HHAT: variants seen among roughly 807,000 people sequenced by gnomAD.
HHAT encodes protein-cysteine N-palmitoyltransferase HHAT.
HHAT carries 47 observed loss-of-function variants against 70.8 expected under a neutral mutation model. That is an observed-to-expected ratio of 0.66 (90% CI 0.53 to 0.85). HHAT has a LOEUF of 0.85. Among genes scored for constraint, HHAT ranks in the 40% least tolerant of loss-of-function variants. The pLI is 0.00. For missense variants in HHAT, 609 were observed against 604.8 expected, an observed-to-expected ratio of 1.01 and a Z score of -0.07; for synonymous variants, 228 against 247.6, an observed-to-expected ratio of 0.92 and a Z score of 0.74.
At chr1:210,482,637 G>A (rs899095634) in intron 8 of HHAT, among the ~76,000 whole-genome samples, 9 of 152,190 alleles carry the variant, frequency 5.9e-5, no homozygotes, top group Non-Finnish European at 1.3e-4. Flanking sequence ...TTGCCTGCAT[G>A]AAGATATTTG....
At position 210,592,117 on chromosome 1, in the gene HHAT, C is replaced by T. The variant is rs1558231533; in HGVS notation, c.1245+4018C>T. 3.9e-5 allele frequency among the ~76,000 whole-genome samples: 6 copies of T among 152,188 alleles called. No homozygotes were observed. In the South Asian group the frequency reaches 1.0e-3, roughly 26 times the overall value. On this transcript the variant is annotated intron_variant, in intron 10 of 11. Transcript: ENST00000261458. Reference sequence around the variant, plus strand: ...AAGAATTATTTGCTAACTCCAGTGTCCTGGCAAGTTTCTCCAGTGTTTTCT... The same window carrying T: ...AAGAATTATTTGCTAACTCCAGTGTTCTGGCAAGTTTCTCCAGTGTTTTCT...
chr1:210,388,529 ACTT>A (rs1267549804), intron 4 of HHAT, among the ~76,000 whole-genome samples: 2 of 151,868 alleles, frequency 1.3e-5, no homozygotes, highest in Admixed American at 6.6e-5. Context: ...CAGCATATTA[ACTT>A]CTTCTTGAAT....
intron 10 of HHAT, among the ~76,000 whole-genome samples, chr1:210,600,835 C>T (rs1055762919): frequency 3.3e-5 from 5 of 152,016 alleles, no homozygotes; most frequent in African/African-American, 1.2e-4. Flanking sequence ...GTCGATTATT[C>T]CTACCCAAAG....
chr1:210,588,134 G>C (rs897015965), intron 10 of HHAT, 35 bp downstream of exon 10: 7 of 1,518,544 alleles, frequency 4.6e-6, no homozygotes, highest in Non-Finnish European at 6.3e-6. Context: ...TTAGGGGACA[G>C]TGGAACTAGG....
rs191285537 is a variant in HHAT, at chr1:210,593,129, G to A, written c.1245+5030G>A. Among the ~76,000 whole-genome samples the A allele has an allele frequency of 7.2e-3, 1,096 of 152,036 alleles. 15 individuals carry two copies. The highest frequency in any genetic ancestry group is 0.024 in the African/African-American group (985 of 41,508). Reference sequence around the variant, plus strand: ...CCACCTATAAGTGAGAACATGCGGTGTTTGGAAAAAACCAACTTTTCATTT... The same window carrying A: ...CCACCTATAAGTGAGAACATGCGGTATTTGGAAAAAACCAACTTTTCATTT... On this transcript the variant is annotated intron_variant, in intron 10 of 11. Transcript: ENST00000261458.
Position 210,341,733 on chromosome 1 carries a change from G to A in HHAT, c.-43-7200G>A, listed in dbSNP as rs187889515. 4.6e-3 allele frequency among the ~76,000 whole-genome samples: 705 copies of A among 152,304 alleles called. 5 individuals carry two copies. The highest frequency in any genetic ancestry group is 6.8e-3 in the Non-Finnish European group (460 of 68,026). ...GTATAGAAAAAGTTCTGTGAGCTGA[G>A]AGATTCTTGCCATTTTACAGCTAAG... On this transcript the variant is annotated intron_variant, in intron 1 of 11. Transcript: ENST00000261458.
Position 210,615,037 on chromosome 1 carries a change from T to A in HHAT, c.1246-8489T>A, listed in dbSNP as rs1038283081. ...GTTTAGAGTCCCACCAACAGTGTAA[T>A]AGTGTTCCTATTTCTCCACATCCTG... On this transcript the variant is annotated intron_variant, in intron 10 of 11. Coordinates refer to ENST00000261458, the MANE Select transcript of HHAT (RefSeq NM_018194.6). 2.5e-4 allele frequency among the ~76,000 whole-genome samples: 38 copies of A among 152,308 alleles called. 1 individual carries two copies. Among genetic ancestry groups the A allele is most frequent in the African/African-American group, 6.5e-4 (27 of 41,568 alleles).
In HHAT at chr1:210,481,802, A is replaced by G. The variant is rs143267748; in HGVS notation, c.1007+17147A>G. 1.2e-4 allele frequency among the ~76,000 whole-genome samples: 18 copies of G among 152,364 alleles called. No individual in the cohort carries two copies. The East Asian group carries it at 1.5e-3, about 13-fold the overall frequency. On this transcript the variant is annotated intron_variant, in intron 8 of 11. Coordinates refer to ENST00000261458, the MANE Select transcript of HHAT (RefSeq NM_018194.6). ...TGTGAATAATGAGGATTGAGTGTCA[A>G]TGAATGATCAGCATAGGCTTCATTG...
intron 9 of HHAT, among the ~76,000 whole-genome samples, chr1:210,519,635 C>T (rs933822544): frequency 4.6e-5 from 7 of 150,984 alleles, no homozygotes; most frequent in Admixed American, 6.6e-5. Flanking sequence ...TCAAGCAATC[C>T]GCCTACCTTA....
intron 11 of HHAT, among the ~76,000 whole-genome samples, chr1:210,644,126 T>C (rs960020806): frequency 3.0e-4 from 46 of 152,184 alleles, no homozygotes; most frequent in African/African-American, 1.1e-3. Flanking sequence ...CCCTCCCATT[T>C]TGGAAAAGAC....
chr1:210,640,156 G>C (rs975516878), intron 11 of HHAT, among the ~76,000 whole-genome samples: 3 of 152,198 alleles, frequency 2.0e-5, no homozygotes, highest in Admixed American at 6.5e-5. Context: ...CTCCGACTGA[G>C]TTAGTGGGTA....
intron 8 of HHAT, among the ~76,000 whole-genome samples, chr1:210,491,819 G>T (rs2094556703): frequency 6.6e-6 from 1 of 152,116 alleles, no homozygotes; most frequent in South Asian, 2.1e-4. Context: ...GTGGAGTGCA[G>T]TGGCCCGATC....
chr1:210,433,925 A>G lies in HHAT; in HGVS notation c.856+15600A>G, dbSNP rs992084944. On this transcript the variant is annotated intron_variant, in intron 7 of 11. Coordinates refer to ENST00000261458, the MANE Select transcript of HHAT (RefSeq NM_018194.6). ...CCACACCAGCGTTGTACCAGTCTACATGGGGTTACCTCTGCCCCCACTGTG... is the reference window on the plus strand; with the variant it reads ...CCACACCAGCGTTGTACCAGTCTACGTGGGGTTACCTCTGCCCCCACTGTG... 1.2e-4 allele frequency among the ~76,000 whole-genome samples: 19 copies of G among 152,068 alleles called. 2 individuals carry two copies. The highest frequency in any genetic ancestry group is 1.2e-3 in the Admixed American group (18 of 15,286).
chr1:210,586,868 C>T (rs1286282178), intron 9 of HHAT, among the ~76,000 whole-genome samples: 1 of 152,202 alleles, frequency 6.6e-6, no homozygotes, highest in Non-Finnish European at 1.5e-5. Context: ...GAACATAGTA[C>T]TGTCTCTACG....
chr1:210,421,008 TTC>T (rs1300386112), intron 7 of HHAT, among the ~76,000 whole-genome samples: 1 of 152,210 alleles, frequency 6.6e-6, no homozygotes, highest in East Asian at 1.9e-4. Context: ...ATTTATGCTC[TTC>T]TCGGCAGTGT....
At chr1:210,565,653 G>A (rs1324594736) in intron 9 of HHAT, among the ~76,000 whole-genome samples, 4 of 152,182 alleles carry the variant, frequency 2.6e-5, no homozygotes, top group African/African-American at 7.2e-5. Context: ...AGAATCTGTA[G>A]CAGGCAAAAG....
rs370685759 is a variant in HHAT, at chr1:210,558,506, A to G, written c.1044-29392A>G. On this transcript the variant is annotated intron_variant, in intron 9 of 11. Coordinates refer to ENST00000261458, the MANE Select transcript of HHAT (RefSeq NM_018194.6). Reference sequence around the variant, plus strand: ...CTTATCTGTTTGTGTTGGCTTGAGCAGTTTGTAATGATTGTAGAGGGAGCA... The same window carrying G: ...CTTATCTGTTTGTGTTGGCTTGAGCGGTTTGTAATGATTGTAGAGGGAGCA... Among the ~76,000 whole-genome samples the G allele has an allele frequency of 1.7e-4, 26 of 152,292 alleles. No homozygotes were observed. The East Asian group carries it at 2.3e-3, about 14-fold the overall frequency.
chr1:210,623,486 AC>A, intron 10 of HHAT, 39 bp from the exon 11 acceptor site: 7 of 1,610,974 alleles, frequency 4.3e-6, no homozygotes, highest in Non-Finnish European at 5.1e-6. Flanking sequence ...CATTTTTTCC[AC>A]CCTTGTCATG....
chr1:210,669,801 C>T (rs1679716492), intron 11 of HHAT, among the ~76,000 whole-genome samples: 1 of 152,158 alleles, frequency 6.6e-6, no homozygotes, highest in African/African-American at 2.4e-5. Context: ...GGATATTTTC[C>T]TTTGACCAAT....
Sources: gnomAD v4.1 joint callset for allele counts (sites outside exome capture counted in the v4.1 genomes callset) on GRCh38, gnomAD v4.1.1 for gene constraint, MANE v1.5 for transcripts, NCBI Gene and HGNC (gene_info 2026-07-23, HGNC 2026-07-21) for gene names.